The following IRF2 variants were observed in gnomAD, a reference collection of about 807,000 sequenced individuals.
The protein encoded by IRF2 is interferon regulatory factor 2.
In IRF2, 15 loss-of-function variants were observed where a neutral mutation model predicts 40.6. The ratio of observed to expected loss-of-function variants is 0.37; its 90% CI spans 0.25 to 0.57. The LOEUF is 0.57. Among genes scored for constraint, IRF2 ranks in the 20% least tolerant of loss-of-function variants. The pLI is 0.77. For missense variants in IRF2, 317 were observed against 455.7 expected (o/e 0.70, Z 2.77); for synonymous variants, 151 against 165.5 (o/e 0.91, Z 0.67).
chr4:184,429,059 C>T lies in IRF2; in HGVS notation c.6G>A (p.Pro2=), dbSNP rs763863046. The T allele has an allele frequency of 8.7e-6, 14 of 1,613,734 alleles. No homozygotes were observed. Among genetic ancestry groups the T allele is most frequent in the East Asian group, 2.2e-5 (1 of 44,888 alleles). Reference sequence around the variant, plus strand: ...ACGGGCGCATGCGCATCCTTTCCACCGGCATGGTGCCCTTGAGGGAGAGAA... The same window carrying T: ...ACGGGCGCATGCGCATCCTTTCCACTGGCATGGTGCCCTTGAGGGAGAGAA... M[P]VERMRMRPWL... is the part of the protein sequence containing the mutation. The change falls in exon 2 of 9, where the codon CCG becomes CCA. Residue 2 remains proline, a synonymous_variant. Transcript: ENST00000393593.
chr4:184,451,898 G>A (rs989586945), intron 1 of IRF2, among the ~76,000 whole-genome samples: 1 of 152,110 alleles, frequency 6.6e-6, no homozygotes, highest in Admixed American at 6.5e-5. Flanking sequence ...CATAAACAGG[G>A]ATGGAACAAG....
At chr4:184,425,242 T>A (rs1737625047) in intron 2 of IRF2, among the ~76,000 whole-genome samples, 1 of 152,224 alleles carries the variant, frequency 6.6e-6, no homozygotes, top group Non-Finnish European at 1.5e-5. Flanking sequence ...CCAGGCAGAA[T>A]GCTTGTGAAT....
In IRF2 at chr4:184,408,869, C is replaced by A. The variant is rs1736967540; in HGVS notation, c.412-594G>T. On this transcript the variant is annotated intron_variant, in intron 5 of 8. Coordinates refer to ENST00000393593, the MANE Select transcript of IRF2 (RefSeq NM_002199.4). The surrounding 1 kb of genome is among the most constrained non-coding windows in gnomAD (Gnocchi z 4.9). ...TGAGTCCAGCCGGGCAACCCCACACCATGGGCTTTACATAAATGCCCTTCA... is the reference window on the plus strand; with the variant it reads ...TGAGTCCAGCCGGGCAACCCCACACAATGGGCTTTACATAAATGCCCTTCA... Among the ~76,000 whole-genome samples, 1 of 152,250 alleles carries A rather than the reference C, an allele frequency of 6.6e-6. No homozygotes were observed.
At chr4:184,400,169 C>T (rs945601422) in intron 6 of IRF2, among the ~76,000 whole-genome samples, 12 of 152,368 alleles carry the variant, frequency 7.9e-5, no homozygotes, top group African/African-American at 2.6e-4. Context: ...CGACCAATCT[C>T]TCTCACGTTA....
rs2048082124 is a variant in IRF2 at position 184,474,395 on chromosome 4, T to G, written c.-23A>C. On this transcript the variant is annotated 5_prime_UTR_variant, in exon 1 of 9. Transcript: ENST00000393593. The surrounding 1 kb of genome is among the most constrained non-coding windows in gnomAD (Gnocchi z 5.6). ...AAATGTTACCTCTCAGTGTGCTTTTTTCACGCTACCAATACAATTCCGCAA... is the reference window on the plus strand; with the variant it reads ...AAATGTTACCTCTCAGTGTGCTTTTGTCACGCTACCAATACAATTCCGCAA... 1 of 152,322 alleles carries G rather than the reference T, an allele frequency of 6.6e-6. No homozygotes were observed. Among genetic ancestry groups the G allele is most frequent in the Admixed American group, 6.5e-5 (1 of 15,286 alleles). 9.4% of individuals were successfully genotyped at this position (152,322 alleles called of 1,614,324 possible).
rs1353884381 is a variant in IRF2 at position 184,448,775 on chromosome 4, G to A, written c.-6-19705C>T. 5 of 152,128 alleles carry A rather than the reference G, an allele frequency of 3.3e-5. No homozygotes were observed. The highest frequency in any genetic ancestry group is 5.9e-5 in the Non-Finnish European group (4 of 68,018). The allele number at this position is 152,128 out of a possible 1,614,324, so 9.4% of individuals were successfully genotyped here. On this transcript the variant is annotated intron_variant, in intron 1 of 8. Transcript: ENST00000393593. The surrounding 1 kb of genome is among the most constrained non-coding windows in gnomAD (Gnocchi z 4.3). ...TGCAGGACACTTCAGGGTTCCCAGC[G>A]CCCCAAATCTGGCATTCCCAGAATA...
intron 1 of IRF2, among the ~76,000 whole-genome samples, chr4:184,432,764 C>A (rs370085836): frequency 4.1e-4 from 62 of 152,246 alleles, no homozygotes; most frequent in African/African-American, 1.4e-3. Context: ...GCACGTGAAG[C>A]CAAAGGCAGA....
chr4:184,435,130 T>C (rs1032398096), intron 1 of IRF2, among the ~76,000 whole-genome samples: 2 of 152,208 alleles, frequency 1.3e-5, no homozygotes, highest in African/African-American at 2.4e-5. Context: ...AGGGACTTTA[T>C]TATCCTTTAT....
intron 1 of IRF2, among the ~76,000 whole-genome samples, chr4:184,431,506 G>A (rs1468565155): frequency 6.6e-6 from 1 of 152,196 alleles, no homozygotes; most frequent in East Asian, 1.9e-4. Flanking sequence ...CCCTGCAAGA[G>A]CTCTGCCCGC....
intron 8 of IRF2, among the ~76,000 whole-genome samples, chr4:184,389,324 G>A (rs756772186): frequency 1.3e-5 from 2 of 152,116 alleles, no homozygotes; most frequent in Admixed American, 1.3e-4. Flanking sequence ...AGGCTGAGGC[G>A]GGAGGATCAC....
At chr4:184,414,418 T>G (rs1466427617) in intron 5 of IRF2, among the ~76,000 whole-genome samples, 1 of 152,244 alleles carries the variant, frequency 6.6e-6, no homozygotes, top group Non-Finnish European at 1.5e-5. Flanking sequence ...CACGGCTCAC[T>G]GCAGCCTCAA....
At chr4:184,429,386 G>T (rs1378298620) in intron 1 of IRF2, among the ~76,000 whole-genome samples, 1 of 152,166 alleles carries the variant, frequency 6.6e-6, no homozygotes, top group Non-Finnish European at 1.5e-5. Flanking sequence ...CACTGCACTG[G>T]CCGTGTTTTG....
At chr4:184,403,286 C>T (rs866554026) in intron 6 of IRF2, among the ~76,000 whole-genome samples, 3 of 152,094 alleles carry the variant, frequency 2.0e-5, no homozygotes, top group Admixed American at 6.5e-5. Flanking sequence ...CTCTCTCTCT[C>T]GACATGTGAA....
chr4:184,435,172 C>A (rs1435484673), intron 1 of IRF2, among the ~76,000 whole-genome samples: 4 of 152,224 alleles, frequency 2.6e-5, no homozygotes, highest in African/African-American at 9.7e-5. Flanking sequence ...CCAAGACTCT[C>A]ATTTAAATTC....
chr4:184,447,432 G>T (rs755180212), intron 1 of IRF2, among the ~76,000 whole-genome samples: 2 of 152,220 alleles, frequency 1.3e-5, no homozygotes, highest in Non-Finnish European at 2.9e-5. Context: ...GGACTTAGAA[G>T]ATCAACATTT....
intron 1 of IRF2, among the ~76,000 whole-genome samples, chr4:184,471,416 T>C (rs1342152631): frequency 2.0e-5 from 3 of 152,232 alleles, no homozygotes; most frequent in Non-Finnish European, 4.4e-5. Flanking sequence ...TTATAATAGA[T>C]GTTCTAAGGA....
intron 1 of IRF2, among the ~76,000 whole-genome samples, chr4:184,461,138 A>C (rs1439900894): frequency 6.6e-6 from 1 of 152,136 alleles, no homozygotes; most frequent in African/African-American, 2.4e-5. Context: ...AGGGAAGGGT[A>C]AGTAGAGAGG....
Position 184,408,364 on chromosome 4 carries a change from TAATGCTAG to T in IRF2, c.412-97_412-90del. 2.4e-6 allele frequency: 2 copies of T among 824,142 alleles called. No individual in the cohort carries two copies. Among genetic ancestry groups the T allele is most frequent in the East Asian group, 4.8e-5 (2 of 41,294 alleles). 51.1% of individuals were successfully genotyped at this position (824,142 alleles called of 1,614,324 possible). A position where few individuals can be genotyped will look rare whatever the true frequency, so the allele number is the denominator to read the frequency against. On this transcript the variant is annotated intron_variant, in intron 5 of 8. Coordinates refer to ENST00000393593, the MANE Select transcript of IRF2 (RefSeq NM_002199.4). The surrounding 1 kb of genome is among the most constrained non-coding windows in gnomAD (Gnocchi z 4.9). The stretch of plus-strand genomic sequence containing the variant: ...AATTCTACCCTCTGCCTACTTTCTT[TAATGCTAG>T]GGTCATTCATGTTCAGCTGCCGAAT...
At chr4:184,451,971 C>T (rs1480432943) in intron 1 of IRF2, among the ~76,000 whole-genome samples, 1 of 152,194 alleles carries the variant, frequency 6.6e-6, no homozygotes, top group Non-Finnish European at 1.5e-5. Context: ...CCCTGTATGA[C>T]CCTAGGGTTG....
Sources: allele counts gnomAD v4.1 joint callset (sites outside exome capture counted in the v4.1 genomes callset), GRCh38; gene constraint gnomAD v4.1.1; non-coding constraint Gnocchi (gnomAD v3.1); transcripts MANE v1.5; gene names NCBI Gene and HGNC (gene_info 2026-07-23, HGNC 2026-07-21).